The following ARPP21 variants were observed in gnomAD, a reference collection of about 807,000 sequenced individuals.
The protein encoded by ARPP21 is cAMP regulated phosphoprotein 21.
Under a neutral mutation model 113.2 loss-of-function variants are expected in ARPP21, and 69 were observed. The ratio of observed to expected loss-of-function variants is 0.61; its 90% CI spans 0.50 to 0.74. ARPP21 has a LOEUF of 0.74. ARPP21 is among the 30% of genes least tolerant of loss of function. The probability of loss-of-function intolerance (pLI) is 0.00; values close to 1 mark genes in which losing one functional copy is unlikely to be tolerated. For synonymous variants in ARPP21, 368 were observed against 375.5 expected (o/e 0.98, Z 0.23); for missense variants, 1,070 against 1,037.4 (o/e 1.03, Z -0.43).
chr3:35,689,474 A>G, intron 7 of ARPP21, 89 bp downstream of exon 7: 1 of 726,270 alleles, frequency 1.4e-6, no homozygotes, highest in South Asian at 1.6e-5. Flanking sequence ...TAAGAAAGCC[A>G]TTGTGAAATG....
intron 1 of ARPP21, among the ~76,000 whole-genome samples, chr3:35,640,604 C>A (rs1019155594): frequency 2.6e-5 from 4 of 152,132 alleles, no homozygotes; most frequent in African/African-American, 9.7e-5. Context: ...CTCCTTCCCC[C>A]AGAAAAGACA....
intron 1 of ARPP21, among the ~76,000 whole-genome samples, chr3:35,676,714 TAA>T (rs1168972127): frequency 6.6e-6 from 1 of 151,972 alleles, no homozygotes; most frequent in Non-Finnish European, 1.5e-5. Context: ...TCAGACTTGC[TAA>T]AGATATTAGT....
At chr3:35,792,321 C>A in intron 19 of ARPP21, 61 bp from the exon 20 acceptor site, 1 of 1,509,166 alleles carries the variant, frequency 6.6e-7, no homozygotes, top group Non-Finnish European at 9.2e-7. Flanking sequence ...TAGTTTTACC[C>A]CATGAAACAT....
At position 35,743,876 on chromosome 3, in the gene ARPP21, C is replaced by G; in HGVS notation, c.2048C>G (p.Thr683Ser). 1 of 1,614,134 alleles carries G rather than the reference C, an allele frequency of 6.2e-7. No individual in the cohort carries two copies. Among genetic ancestry groups the G allele is most frequent in the Non-Finnish European group, 8.5e-7 (1 of 1,179,944 alleles). ...VYYYPSGQYPTSTTQQYRPMA... is the reference protein window; with the variant it reads ...VYYYPSGQYPSSTTQQYRPMA... ...TATTACCCATCTGGTCAGTACCCTA[C>G]CTCAACCACGCAACAGTACCGGCCC... The change falls in exon 19 of 21, where the codon ACC becomes AGC. Residue 683 changes from threonine to serine, a missense_variant. Physicochemically the swap from Thr to Ser is moderately conservative, Grantham distance 58. Coordinates refer to ENST00000684406, the MANE Select transcript of ARPP21 (RefSeq NM_001385562.1).
At chr3:35,724,338 A>C (rs77032358) in intron 14 of ARPP21, among the ~76,000 whole-genome samples, 1 of 152,226 alleles carries the variant, frequency 6.6e-6, no homozygotes, top group African/African-American at 2.4e-5. Context: ...TGTTAATAGC[A>C]ATGTGGTTGA....
intron 1 of ARPP21, among the ~76,000 whole-genome samples, chr3:35,665,435 A>G (rs1356107655): frequency 6.6e-6 from 1 of 152,224 alleles, no homozygotes; most frequent in Non-Finnish European, 1.5e-5. Context: ...AAAGTGCTAT[A>G]CATGGACACT....
intron 1 of ARPP21, among the ~76,000 whole-genome samples, chr3:35,670,438 G>T (rs1295722858): frequency 6.6e-6 from 1 of 152,102 alleles, no homozygotes; most frequent in African/African-American, 2.4e-5. Context: ...GATATGAGGA[G>T]GTTGACATCA....
intron 6 of ARPP21, among the ~76,000 whole-genome samples, chr3:35,688,589 C>G (rs960243472): frequency 6.6e-6 from 1 of 151,500 alleles, no homozygotes. Flanking sequence ...CTTAAACAAA[C>G]AAACAAACAA....
rs768228070 is a variant in ARPP21, at chr3:35,729,308, G to A, written c.1231G>A (p.Glu411Lys). The A allele has an allele frequency of 8.7e-6, 14 of 1,612,752 alleles. No individual in the cohort carries two copies. The highest frequency in any genetic ancestry group is 2.7e-5 in the African/African-American group (2 of 74,878). The change falls in exon 15 of 21, where the codon GAG becomes AAG. Residue 411 changes from glutamate (E) to lysine (K), a missense_variant. Physicochemically the swap from Glu to Lys is moderately conservative, Grantham distance 56 (BLOSUM62 1). Coordinates refer to ENST00000684406, the MANE Select transcript of ARPP21 (RefSeq NM_001385562.1). ...TGATTGTATCCCTATGCCAGGTTCC[G>A]AGTCTTCCAGCAGTGCAGGCTCCTC... The part of the protein sequence containing the change: ...STGKLSKAGS[E>K]SSSSAGSSGS...
Position 35,687,145 on chromosome 3 carries a change from A to C in ARPP21, c.262-594A>C, listed in dbSNP as rs745341341. Among the ~76,000 whole-genome samples the C allele has an allele frequency of 4.0e-5, 6 of 151,414 alleles. No individual in the cohort carries two copies. In the Middle Eastern group the frequency reaches 0.01, roughly 259 times the overall value. ...TAATGATTTATTAGTAGTATTTATA[A>C]ACAATTATAATAAGTTTATACCTAG... On this transcript the variant is annotated intron_variant, in intron 5 of 20. Coordinates refer to ENST00000684406, the MANE Select transcript of ARPP21 (RefSeq NM_001385562.1).
At chr3:35,759,825 C>T (rs562771940) in intron 19 of ARPP21, among the ~76,000 whole-genome samples, 45 of 151,986 alleles carry the variant, frequency 3.0e-4, no homozygotes, top group African/African-American at 1.1e-3. Context: ...CCAATGTCTG[C>T]CCATTCTTTT....
chr3:35,730,868 A>G (rs2093911097), intron 15 of ARPP21, among the ~76,000 whole-genome samples: 1 of 152,242 alleles, frequency 6.6e-6, no homozygotes, highest in South Asian at 2.1e-4. Context: ...TGAAAATGCC[A>G]TAAGCTTGAG....
chr3:35,674,991 A>T (rs1348017307), intron 1 of ARPP21, among the ~76,000 whole-genome samples: 1 of 151,718 alleles, frequency 6.6e-6, no homozygotes, highest in African/African-American at 2.4e-5. Context: ...AGGTTATTGA[A>T]AAGAGCTCTG....
At chr3:35,729,825 T>G (rs2150485707) in intron 15 of ARPP21, among the ~76,000 whole-genome samples, 1 of 152,348 alleles carries the variant, frequency 6.6e-6, no homozygotes, top group Non-Finnish European at 1.5e-5. Context: ...TCATGCATGC[T>G]TAAGAGCTAA....
intron 1 of ARPP21, among the ~76,000 whole-genome samples, chr3:35,656,592 T>A (rs928269877): frequency 6.6e-6 from 1 of 152,018 alleles, no homozygotes; most frequent in African/African-American, 2.4e-5. Flanking sequence ...ATCCCATTTA[T>A]ATCACATGTC....
chr3:35,710,270 T>C (rs1050505806), intron 11 of ARPP21, among the ~76,000 whole-genome samples: 3 of 152,188 alleles, frequency 2.0e-5, no homozygotes, highest in Non-Finnish European at 4.4e-5. Context: ...AGACTCTGCA[T>C]ATGTGTAGGC....
chr3:35,645,138 T>C (rs559850789), intron 1 of ARPP21, among the ~76,000 whole-genome samples: 1 of 151,898 alleles, frequency 6.6e-6, no homozygotes, highest in Admixed American at 6.6e-5. Flanking sequence ...CAAAAGAAAA[T>C]CATTTCTTTT....
intron 16 of ARPP21, 69 bp from the exon 17 acceptor site, chr3:35,738,145 G>A (rs1463929996): frequency 1.1e-6 from 1 of 947,062 alleles, no homozygotes; most frequent in Admixed American, 2.0e-5. Flanking sequence ...GAAGGACAGT[G>A]GTGTGCATCT....
rs764495018 is a variant in ARPP21, at chr3:35,689,427, T to C, written c.485+42T>C. The C allele has an allele frequency of 6.2e-6, 6 of 975,174 alleles. No individual in the cohort carries two copies. In the African/African-American group the frequency reaches 8.1e-5, roughly 13 times the overall value. The allele number at this position is 975,174 out of a possible 1,614,324, so 60.4% of individuals were successfully genotyped here. On this transcript the variant is annotated intron_variant, in intron 7 of 20. Coordinates refer to ENST00000684406, the MANE Select transcript of ARPP21 (RefSeq NM_001385562.1). ...GCCTCTTATTTTTAGAAGGATCAAA[T>C]AGAATATTACAATCAAAGTTATTAA...
Sources: gnomAD v4.1 joint callset for allele counts (sites outside exome capture counted in the v4.1 genomes callset) on GRCh38, gnomAD v4.1.1 for gene constraint, MANE v1.5 for transcripts, NCBI Gene and HGNC (gene_info 2026-07-23, HGNC 2026-07-21) for gene names.